The following PDE11A variants were observed in gnomAD, a reference collection of about 807,000 sequenced individuals.
PDE11A encodes the protein phosphodiesterase 11A.
PDE11A carries 100 observed loss-of-function variants against 100.5 expected under a neutral mutation model. The ratio of observed to expected loss-of-function variants is 1.00; its 90% CI spans 0.85 to 1.18. The LOEUF is 1.18. PDE11A is among the 50% of genes most tolerant of loss of function. The pLI, the probability that PDE11A is intolerant of heterozygous loss-of-function variation, is 0.00. For missense variants in PDE11A, 1,141 were observed against 1,152.6 expected, an observed-to-expected ratio of 0.99 and a Z score of 0.15; for synonymous variants, 381 against 420.8, an observed-to-expected ratio of 0.91 and a Z score of 1.16.
chr2:178,035,417 A>G (rs1214904192), intron 1 of PDE11A, among the ~76,000 whole-genome samples: 1 of 152,214 alleles, frequency 6.6e-6, no homozygotes, highest in Non-Finnish European at 1.5e-5. Flanking sequence ...CCAGGACCAG[A>G]TGGCTTCACA....
chr2:177,756,858 G>A (rs1246581942), intron 10 of PDE11A, among the ~76,000 whole-genome samples: 1 of 152,138 alleles, frequency 6.6e-6, no homozygotes, highest in Non-Finnish European at 1.5e-5. Context: ...ACAAACAAAC[G>A]AACACATAAA....
At chr2:177,908,765 T>A (rs2084830655) in intron 2 of PDE11A, among the ~76,000 whole-genome samples, 1 of 152,286 alleles carries the variant, frequency 6.6e-6, no homozygotes, top group Non-Finnish European at 1.5e-5. Flanking sequence ...CACTGCAGTG[T>A]CCCCGGAAGC....
At chr2:177,658,395 T>C (rs2080421901) in intron 19 of PDE11A, among the ~76,000 whole-genome samples, 1 of 151,998 alleles carries the variant, frequency 6.6e-6, no homozygotes, top group South Asian at 2.1e-4. Flanking sequence ...ATAGAGAAAA[T>C]AAGAAGTTGT....
intron 1 of PDE11A, among the ~76,000 whole-genome samples, chr2:178,052,104 T>G (rs2086836190): frequency 6.6e-6 from 1 of 152,074 alleles, no homozygotes. Context: ...ATTGACCACA[T>G]AGTTGGAAGT....
chr2:178,031,671 G>GA (rs976932629), intron 1 of PDE11A, among the ~76,000 whole-genome samples: 1 of 151,892 alleles, frequency 6.6e-6, no homozygotes, highest in Non-Finnish European at 1.5e-5. Context: ...GATTAAATTG[G>GA]AAAAAAATAT....
chr2:178,099,044 C>T lies in PDE11A; in HGVS notation c.162+5258G>A, dbSNP rs184822601. Among the ~76,000 whole-genome samples, 9 of 152,284 alleles carry T rather than the reference C, an allele frequency of 5.9e-5. No homozygotes were observed. In the East Asian group the frequency reaches 1.7e-3, roughly 29 times the overall value. Reference sequence around the variant, plus strand: ...TGTTTCTAAAACCCGCTTCAATTATCATTGCCCAAAAATGCAAGTGGTGCT... The same window carrying T: ...TGTTTCTAAAACCCGCTTCAATTATTATTGCCCAAAAATGCAAGTGGTGCT... On this transcript the variant is annotated intron_variant, in intron 2 of 20. Coordinates refer to the PDE11A transcript ENST00000358450.
At chr2:177,714,941 G>A (rs373559167) in intron 12 of PDE11A, among the ~76,000 whole-genome samples, 2 of 152,226 alleles carry the variant, frequency 1.3e-5, no homozygotes, top group Admixed American at 6.5e-5. Context: ...AGCAGCCCTC[G>A]GAGCTTCCTC....
chr2:178,071,723 A>G lies in PDE11A; in HGVS notation c.715T>C (p.Ser239Pro), dbSNP rs1045114170. The change falls in exon 1 of 20, where the codon TCT becomes CCT. Residue 239 changes from serine to proline, a missense_variant. By Grantham distance (74) the Ser-to-Pro change is moderately conservative. Coordinates refer to ENST00000286063, the MANE Select transcript of PDE11A (RefSeq NM_016953.4). Reference protein sequence around the residue: ...VCLMVDADRCSLFLVEGAAAG... With the variant: ...VCLMVDADRCPLFLVEGAAAG... The stretch of plus-strand genomic sequence containing the variant: ...GCTGCCCCTTCCACCAGGAAAAGAG[A>G]GCAGCGGTCAGCATCCACCATAAGG... 2.5e-6 allele frequency: 4 copies of G among 1,613,980 alleles called. No homozygotes were observed. Among genetic ancestry groups the G allele is most frequent in the Non-Finnish European group, 3.4e-6 (4 of 1,179,968 alleles).
intron 2 of PDE11A, among the ~76,000 whole-genome samples, chr2:178,081,054 A>G (rs1322451203): frequency 6.6e-6 from 1 of 152,164 alleles, no homozygotes; most frequent in African/African-American, 2.4e-5. Context: ...CTGTTGCCAA[A>G]TTAACCTTAC....
chr2:177,715,441 T>C (rs2081422525), intron 12 of PDE11A, among the ~76,000 whole-genome samples: 1 of 151,990 alleles, frequency 6.6e-6, no homozygotes, highest in Admixed American at 6.5e-5. Flanking sequence ...TTCAGCACAA[T>C]GAAGAAATTT....
intron 18 of PDE11A, 141 bp downstream of exon 18, chr2:177,669,352 G>A (rs2080637984): frequency 1.6e-6 from 1 of 622,886 alleles, no homozygotes; most frequent in Non-Finnish European, 2.9e-6. Context: ...TAGCATTTGA[G>A]TTTAATTAAG....
At chr2:177,941,622 A>C (rs1039733044) in intron 2 of PDE11A, among the ~76,000 whole-genome samples, 3 of 152,184 alleles carry the variant, frequency 2.0e-5, no homozygotes, top group African/African-American at 4.8e-5. Context: ...GGGTTCTGGA[A>C]TTACCTTTAT....
At chr2:177,664,518 TC>T (rs2080539242) in intron 18 of PDE11A, among the ~76,000 whole-genome samples, 1 of 152,210 alleles carries the variant, frequency 6.6e-6, no homozygotes, top group Non-Finnish European at 1.5e-5. Flanking sequence ...GTGGGTGGAC[TC>T]ATTATCTCTT....
intron 12 of PDE11A, among the ~76,000 whole-genome samples, chr2:177,715,858 T>G (rs2081429719): frequency 6.6e-6 from 1 of 152,232 alleles, no homozygotes; most frequent in African/African-American, 2.4e-5. Context: ...GGTGGTCTTT[T>G]CATTCTTAAG....
chr2:177,786,951 T>A (rs2082546091), intron 9 of PDE11A, among the ~76,000 whole-genome samples: 1 of 150,078 alleles, frequency 6.7e-6, no homozygotes, highest in Admixed American at 6.6e-5. Flanking sequence ...GGAACCAAGT[T>A]GGAAAACACT....
chr2:177,788,692 A>T (rs182345126), intron 9 of PDE11A, among the ~76,000 whole-genome samples: 14,689 of 152,118 alleles, frequency 0.097, 1,032 homozygotes, highest in Non-Finnish European at 0.14. Context: ...TGCAATAAAA[A>T]ATGATAAAGG....
chr2:177,916,907 T>G lies in PDE11A; in HGVS notation c.1072-11720A>C, dbSNP rs193028131. On this transcript the variant is annotated intron_variant, in intron 2 of 19. Transcript: ENST00000286063. Reference sequence around the variant, plus strand: ...TCCCGAGTAGCTGGGACTACAGGTGTCTGCCACCACGCCCGGCTAATTTTT... The same window carrying G: ...TCCCGAGTAGCTGGGACTACAGGTGGCTGCCACCACGCCCGGCTAATTTTT... 6.5e-3 allele frequency among the ~76,000 whole-genome samples: 968 copies of G among 148,452 alleles called. 9 individuals carry two copies. The highest frequency in any genetic ancestry group is 0.023 in the African/African-American group (925 of 40,048).
intron 1 of PDE11A, among the ~76,000 whole-genome samples, chr2:178,058,922 T>A (rs2086932113): frequency 1.3e-5 from 2 of 152,224 alleles, no homozygotes; most frequent in Non-Finnish European, 2.9e-5. Context: ...AAAGTCATAG[T>A]CTAGGCCTCA....
chr2:178,100,322 C>G (rs2087547016), intron 2 of PDE11A, among the ~76,000 whole-genome samples: 1 of 152,084 alleles, frequency 6.6e-6, no homozygotes, highest in South Asian at 2.1e-4. Flanking sequence ...CTATACAAGT[C>G]ATATGGGACA....
Sources: gnomAD v4.1 joint callset for allele counts (sites outside exome capture counted in the v4.1 genomes callset) on GRCh38, gnomAD v4.1.1 for gene constraint, MANE v1.5 for transcripts, NCBI Gene and HGNC (gene_info 2026-07-23, HGNC 2026-07-21) for gene names.